PYGO1: variants seen among roughly 807,000 people sequenced by gnomAD.
PYGO1 encodes pygopus homolog 1.
Under a neutral mutation model 29.5 loss-of-function variants are expected in PYGO1, and 6 were observed. The ratio of observed to expected loss-of-function variants is 0.20; its 90% confidence interval spans 0.11 to 0.40. The LOEUF (loss-of-function observed/expected upper bound fraction) is 0.40. Ranked by LOEUF, PYGO1 falls within the 10% of genes least tolerant of loss-of-function variation. The pLI, the probability that PYGO1 is intolerant of heterozygous loss-of-function variation, is 1.00. For missense variants in PYGO1, 515 were observed against 514.9 expected, an observed-to-expected ratio of 1.00 and a Z score of 0.00; for synonymous variants, 186 against 180.5, an observed-to-expected ratio of 1.03 and a Z score of -0.24.
chr15:55,557,932 C>T (rs1338873361), intron 1 of PYGO1, among the ~76,000 whole-genome samples: 4 of 152,158 alleles, frequency 2.6e-5, no homozygotes, highest in African/African-American at 9.7e-5. Context: ...AAAACTGGCA[C>T]AAGACAGGGA....
At chr15:55,571,977 GT>G (rs1198581714) in intron 1 of PYGO1, among the ~76,000 whole-genome samples, 1 of 152,018 alleles carries the variant, frequency 6.6e-6, no homozygotes, top group Non-Finnish European at 1.5e-5. Context: ...CTTCCTCTGT[GT>G]CCCTCAATAG....
At position 55,542,122 on chromosome 15, in the gene PYGO1, T is replaced by C. The variant is rs370235249; in HGVS notation, c.*3901A>G. On this transcript the variant is annotated 3_prime_UTR_variant, in exon 3 of 3. Transcript: ENST00000563719. Reference sequence around the variant, plus strand: ...CCCTTTTAAAAAATCATTGCTTATATATTTTCTTACTATTAAATACAATTA... The same window carrying C: ...CCCTTTTAAAAAATCATTGCTTATACATTTTCTTACTATTAAATACAATTA... 1 of 152,244 alleles carries C rather than the reference T, an allele frequency of 6.6e-6. No homozygotes were observed. The highest frequency in any genetic ancestry group is 2.4e-5 in the African/African-American group (1 of 41,470). 9.4% of individuals were successfully genotyped at this position (152,244 alleles called of 1,614,324 possible). A position where few individuals can be genotyped will look rare whatever the true frequency, so the allele number is the denominator to read the frequency against.
chr15:55,588,648 G>A (rs2059061180), upstream of PYGO1, among the ~76,000 whole-genome samples: 2 of 151,088 alleles, frequency 1.3e-5, no homozygotes, highest in African/African-American at 4.8e-5. Flanking sequence ...CGCGCCCGGC[G>A]CTCCCTCGCC....
intron 1 of PYGO1, among the ~76,000 whole-genome samples, chr15:55,573,396 T>C (rs1454541034): frequency 6.6e-6 from 1 of 151,954 alleles, no homozygotes; most frequent in Non-Finnish European, 1.5e-5. Flanking sequence ...CTGGTGGGAA[T>C]GTAAGTTGGT....
rs187655293 is a variant in PYGO1, at chr15:55,556,249, C to T, written c.50-7254G>A. Among the ~76,000 whole-genome samples, 310 of 152,188 alleles carry T rather than the reference C, an allele frequency of 2.0e-3. 4 individuals are homozygous for T. The highest frequency in any genetic ancestry group is 0.017 in the Admixed American group (260 of 15,284). Reference sequence around the variant, plus strand: ...CACTTACTCTAAAATTGATCACAATCGGAAGTAAAACACTCCTTAGCAAAT... The same window carrying T: ...CACTTACTCTAAAATTGATCACAATTGGAAGTAAAACACTCCTTAGCAAAT... On this transcript the variant is annotated intron_variant, in intron 1 of 2. Transcript: ENST00000563719.
Position 55,539,933 on chromosome 15 carries a change from G to C in PYGO1, c.*6090C>G, listed in dbSNP as rs544709434. 2 of 152,104 alleles carry C rather than the reference G, an allele frequency of 1.3e-5. No individual in the cohort carries two copies. The highest frequency in any genetic ancestry group is 4.2e-4 in the South Asian group (2 of 4,816). 9.4% of individuals were successfully genotyped at this position (152,104 alleles called of 1,614,324 possible). On this transcript the variant is annotated 3_prime_UTR_variant, in exon 3 of 3. Coordinates refer to ENST00000563719, the MANE Select transcript of PYGO1 (RefSeq NM_001367806.1). ...TGTCTAAAATTTGAATTTTTAAAAA[G>C]ATATGCAGTTTAAGCACTCACAAGC...
rs1188125769 is a variant in PYGO1, at chr15:55,543,444, T to C, written c.*2579A>G. The C allele has an allele frequency of 6.6e-6, 1 of 152,234 alleles. No homozygotes were observed. The highest frequency in any genetic ancestry group is 1.5e-5 in the Non-Finnish European group (1 of 68,040). 9.4% of individuals were successfully genotyped at this position (152,234 alleles called of 1,614,324 possible). A position where few individuals can be genotyped will look rare whatever the true frequency, so the allele number is the denominator to read the frequency against. ...TCACTATCAGAATGAACCGTGAGTT[T>C]TTCTTTTGAATATTTACAGATTCTT... On this transcript the variant is annotated 3_prime_UTR_variant, in exon 3 of 3. Transcript: ENST00000563719.
At chr15:55,577,081 T>A (rs776881280) in intron 1 of PYGO1, among the ~76,000 whole-genome samples, 1 of 152,170 alleles carries the variant, frequency 6.6e-6, no homozygotes, top group Non-Finnish European at 1.5e-5. Flanking sequence ...CCTGCCAATG[T>A]AAACTGATAG....
chr15:55,547,089 T>C lies in PYGO1; in HGVS notation c.194A>G (p.His65Arg), dbSNP rs755404445. The C allele has an allele frequency of 9.3e-6, 15 of 1,612,210 alleles. No homozygotes were observed. Among genetic ancestry groups the C allele is most frequent in the Middle Eastern group, 1.7e-4 (1 of 6,060 alleles). ...YAPPPNPNSD[H>R]LVAANPFDDN... The stretch of plus-strand genomic sequence containing the variant: ...ATCAAATGGATTAGCAGCCACTAGA[T>C]GGTCAGAGTTTGGATTCGGTGGTGG... Residue 65 changes from histidine (H) to arginine (R), a missense_variant, in exon 3 of 3, where the codon CAT becomes CGT. Coordinates refer to ENST00000563719, the MANE Select transcript of PYGO1 (RefSeq NM_001367806.1).
chr15:55,565,412 T>C (rs1423615855), intron 1 of PYGO1, among the ~76,000 whole-genome samples: 2 of 152,008 alleles, frequency 1.3e-5, no homozygotes, highest in Admixed American at 6.6e-5. Context: ...TTAAAAATCA[T>C]ATGTATTTTG....
At chr15:55,587,446 T>G (rs943410713) in intron 1 of PYGO1, among the ~76,000 whole-genome samples, 7 of 151,892 alleles carry the variant, frequency 4.6e-5, no homozygotes, top group Non-Finnish European at 8.8e-5. Flanking sequence ...TCAACTCTTG[T>G]GTACTCCAAC....
chr15:55,584,680 G>C (rs547699622), intron 1 of PYGO1, among the ~76,000 whole-genome samples: 1 of 152,132 alleles, frequency 6.6e-6, no homozygotes, highest in Admixed American at 6.5e-5. Context: ...ATTTACTATG[G>C]GCAAGGCAAA....
chr15:55,572,767 C>A (rs905902438), intron 1 of PYGO1, among the ~76,000 whole-genome samples: 1 of 151,998 alleles, frequency 6.6e-6, no homozygotes, highest in African/African-American at 2.4e-5. Flanking sequence ...AAATGGCCAA[C>A]AGGTACCTGA....
intron 1 of PYGO1, among the ~76,000 whole-genome samples, chr15:55,556,341 G>C (rs1235690031): frequency 6.6e-6 from 1 of 152,110 alleles, no homozygotes; most frequent in Non-Finnish European, 1.5e-5. Context: ...TCAAAACTAA[G>C]AAATTCACTG....
chr15:55,567,718 G>C (rs970833957), intron 1 of PYGO1, among the ~76,000 whole-genome samples: 1 of 151,976 alleles, frequency 6.6e-6, no homozygotes, highest in Non-Finnish European at 1.5e-5. Flanking sequence ...GGGTATTCTT[G>C]GATTCTTATA....
rs1302171869 is a variant in PYGO1 at position 55,543,318 on chromosome 15, T to G, written c.*2705A>C. The stretch of plus-strand genomic sequence containing the variant: ...TCCATCCAAAAGCATCTATATAACT[T>G]TTGACTTAGCATTATGTAGAGACAA... On this transcript the variant is annotated 3_prime_UTR_variant, in exon 3 of 3. Coordinates refer to ENST00000563719, the MANE Select transcript of PYGO1 (RefSeq NM_001367806.1). The G allele has an allele frequency of 1.3e-5, 2 of 152,212 alleles. No homozygotes were observed. Among genetic ancestry groups the G allele is most frequent in the African/African-American group, 4.8e-5 (2 of 41,448 alleles). 9.4% of individuals were successfully genotyped at this position (152,212 alleles called of 1,614,324 possible).
chr15:55,545,910 A>C lies in PYGO1; in HGVS notation c.*113T>G. ...ATGAAGTGATTAATAAAAACTAAGT[A>C]AATAATGTTTTTGTGTATGCATTTA... On this transcript the variant is annotated 3_prime_UTR_variant, in exon 3 of 3. Coordinates refer to ENST00000563719, the MANE Select transcript of PYGO1 (RefSeq NM_001367806.1). 8.3e-7 allele frequency: 1 copy of C among 1,201,418 alleles called. No individual in the cohort carries two copies. Among genetic ancestry groups the C allele is most frequent in the East Asian group, 2.5e-5 (1 of 39,866 alleles). 74.4% of individuals were successfully genotyped at this position (1,201,418 alleles called of 1,614,324 possible).
chr15:55,563,541 G>A (rs1015437305), intron 1 of PYGO1, among the ~76,000 whole-genome samples: 1 of 151,986 alleles, frequency 6.6e-6, no homozygotes, highest in Non-Finnish European at 1.5e-5. Flanking sequence ...TAGTAGAGAT[G>A]GGGTTTTACC....
At chr15:55,553,844 C>T (rs911739901) in intron 1 of PYGO1, among the ~76,000 whole-genome samples, 3 of 152,086 alleles carry the variant, frequency 2.0e-5, no homozygotes, top group East Asian at 1.9e-4. Context: ...TTTGCTGTTA[C>T]GCAGCCTTCA....
Sources: gnomAD v4.1 joint callset for allele counts (sites outside exome capture counted in the v4.1 genomes callset) on GRCh38, gnomAD v4.1.1 for gene constraint, MANE v1.5 for transcripts, NCBI Gene and HGNC (gene_info 2026-07-23, HGNC 2026-07-21) for gene names.